Variants in RAB3IP observed in about 807,000 individuals in gnomAD.
RAB3IP encodes RAB3A interacting protein.
A neutral mutation model predicts 59.1 loss-of-function variants in RAB3IP; 36 were observed. The observed-to-expected ratio is 0.61, with a 90% CI of 0.47 to 0.80. The LOEUF (loss-of-function observed/expected upper bound fraction) is 0.80, where lower values mean the gene tolerates loss of function less well. Ranked by LOEUF, RAB3IP falls within the 30% of genes least tolerant of loss-of-function variation. The probability of loss-of-function intolerance (pLI) is 0.00; values close to 1 mark genes in which losing one functional copy is unlikely to be tolerated. For synonymous variants in RAB3IP, 207 were observed against 191.2 expected, an observed-to-expected ratio of 1.08 and a Z score of -0.68; for missense variants, 511 against 536.0, an observed-to-expected ratio of 0.95 and a Z score of 0.46.
chr12:69,781,908 C>T lies in RAB3IP; in HGVS notation c.511-2812C>T, dbSNP rs183449966. 3.3e-5 allele frequency among the ~76,000 whole-genome samples: 5 copies of T among 152,302 alleles called. No homozygotes were observed. The East Asian group carries it at 9.7e-4, about 29-fold the overall frequency. On this transcript the variant is annotated intron_variant, in intron 3 of 10. Coordinates refer to ENST00000247833, the MANE Select transcript of RAB3IP (RefSeq NM_022456.5). ...ATACCAACAAGTGTGATCGCTGGATCCCATGATAAGAGTATGGTTAGCTTT... is the reference window on the plus strand; with the variant it reads ...ATACCAACAAGTGTGATCGCTGGATTCCATGATAAGAGTATGGTTAGCTTT...
At chr12:69,791,401 C>T (rs1048428900) in intron 4 of RAB3IP, among the ~76,000 whole-genome samples, 9 of 152,160 alleles carry the variant, frequency 5.9e-5, no homozygotes, top group African/African-American at 2.2e-4. Context: ...AAGCGGCATA[C>T]TGAATGGGAA....
rs1283302269 is a variant in RAB3IP at position 69,813,322 on chromosome 12, G to C, written c.1300+289G>C. On this transcript the variant is annotated intron_variant, in intron 10 of 10. Transcript: ENST00000247833. ...ATAAGGGGTATATGATAAACCAGAT[G>C]GTAAATGAGAAGAGAGTTCTAAGCT... is the stretch of plus-strand genomic sequence containing the variant. Among the ~76,000 whole-genome samples the C allele has an allele frequency of 2.0e-5, 3 of 152,094 alleles. No homozygotes were observed. The South Asian group carries it at 6.2e-4, about 31-fold the overall frequency.
chr12:69,783,532 ACTC>A (rs1875112125), intron 3 of RAB3IP, among the ~76,000 whole-genome samples: 2 of 151,020 alleles, frequency 1.3e-5, no homozygotes, highest in Admixed American at 1.3e-4. Context: ...TTTGTTACGT[ACTC>A]CTCTAAGATG....
At chr12:69,793,112 G>T (rs549788764) in intron 4 of RAB3IP, among the ~76,000 whole-genome samples, 1 of 152,270 alleles carries the variant, frequency 6.6e-6, no homozygotes, top group African/African-American at 2.4e-5. Flanking sequence ...TGAAACATTT[G>T]TTATTTTTAA....
Position 69,762,063 on chromosome 12 carries a change from C to T in RAB3IP, c.510+5400C>T, listed in dbSNP as rs535708682. On this transcript the variant is annotated intron_variant, in intron 3 of 10. Coordinates refer to ENST00000247833, the MANE Select transcript of RAB3IP (RefSeq NM_022456.5). ...TTGCTCACATTCTATTGGTGTGAAC[C>T]TTTCATGCCAATACCTAGATGTATG... Among the ~76,000 whole-genome samples, 7 of 152,262 alleles carry T rather than the reference C, an allele frequency of 4.6e-5. No individual in the cohort carries two copies. The East Asian group carries it at 1.4e-3, about 29-fold the overall frequency.
upstream of RAB3IP, chr12:69,738,749 C>G (rs980227368): frequency 6.6e-6 from 1 of 152,144 alleles, no homozygotes; most frequent in Non-Finnish European, 1.5e-5. Flanking sequence ...CGTCCGCCCC[C>G]AGGCCCCATG....
intron 3 of RAB3IP, among the ~76,000 whole-genome samples, chr12:69,769,054 TG>T (rs1002748139): frequency 6.6e-6 from 1 of 152,084 alleles, no homozygotes; most frequent in African/African-American, 2.4e-5. Flanking sequence ...GATGGTTTTA[TG>T]GGGGGTAGTT....
intron 8 of RAB3IP, among the ~76,000 whole-genome samples, chr12:69,810,828 C>G (rs539916893): frequency 6.6e-6 from 1 of 152,114 alleles, no homozygotes; most frequent in African/African-American, 2.4e-5. Context: ...TTGACATCCT[C>G]ACATGAAAAT....
At chr12:69,791,228 G>A (rs1279088256) in intron 4 of RAB3IP, among the ~76,000 whole-genome samples, 1 of 152,112 alleles carries the variant, frequency 6.6e-6, no homozygotes, top group Non-Finnish European at 1.5e-5. Flanking sequence ...ACCTGAAACT[G>A]TAAACTCAGA....
chr12:69,756,689 C>A (rs372101763), intron 3 of RAB3IP, 26 bp downstream of exon 3: 260 of 1,573,628 alleles, frequency 1.7e-4, no homozygotes, highest in Non-Finnish European at 2.2e-4. Context: ...TTTTATTCTT[C>A]CATATATTAT....
intron 3 of RAB3IP, among the ~76,000 whole-genome samples, chr12:69,761,755 A>T (rs1862582811): frequency 6.6e-6 from 1 of 152,174 alleles, no homozygotes. Context: ...CACATGCCTG[A>T]TATATTAGGG....
chr12:69,795,135 TC>T lies in RAB3IP; in HGVS notation c.685-4del, dbSNP rs2136230674. ...ATGTATGTGACTATGTTGATTTCTT[TC>T]CAAGATTGATGTACTTCAAGCTGAA... On this transcript the variant is annotated splice_region_variant and splice_polypyrimidine_tract_variant and intron_variant, in intron 5 of 10. Transcript: ENST00000247833. The T allele has an allele frequency of 6.2e-7, 1 of 1,609,190 alleles. No individual in the cohort carries two copies. The highest frequency in any genetic ancestry group is 8.5e-7 in the Non-Finnish European group (1 of 1,176,220).
intron 6 of RAB3IP, among the ~76,000 whole-genome samples, chr12:69,797,968 A>T (rs954403743): frequency 1.3e-5 from 2 of 152,108 alleles, no homozygotes; most frequent in Admixed American, 6.6e-5. Context: ...ATTGTGAATA[A>T]TGCCGCAATA....
Position 69,815,403 on chromosome 12 carries a change from A to T in RAB3IP, c.1340A>T (p.Glu447Val), listed in dbSNP as rs775358162. The T allele has an allele frequency of 1.9e-6, 3 of 1,613,128 alleles. No homozygotes were observed. The Middle Eastern group carries it at 5.0e-4, about 266-fold the overall frequency. ...MFWEVMQLRKEMSLAKLGYFK... is the reference protein window; with the variant it reads ...MFWEVMQLRKVMSLAKLGYFK... ...TGGGAGGTTATGCAGTTGAGAAAAG[A>T]GATGTCATTGGCAAAGCTGGGTTAT... The change falls in exon 11 of 11, where the codon GAG (glutamate) becomes GTG (valine). Residue 447 changes from glutamate to valine, a missense_variant. Physicochemically the swap from Glu to Val is moderately radical, Grantham distance 121. Coordinates refer to ENST00000247833, the MANE Select transcript of RAB3IP (RefSeq NM_022456.5).
intron 4 of RAB3IP, among the ~76,000 whole-genome samples, chr12:69,791,327 G>C (rs1876574232): frequency 6.6e-6 from 1 of 152,076 alleles, no homozygotes; most frequent in South Asian, 2.1e-4. Context: ...AAACAAAATG[G>C]ACAAGTGGGA....
chr12:69,771,450 T>A (rs1353447961), intron 3 of RAB3IP, among the ~76,000 whole-genome samples: 1 of 152,044 alleles, frequency 6.6e-6, no homozygotes, highest in Non-Finnish European at 1.5e-5. Context: ...TTGCTTGAGC[T>A]TCTGTGGTTG....
At chr12:69,805,927 A>G (rs1226215703) in intron 8 of RAB3IP, among the ~76,000 whole-genome samples, 9 of 152,150 alleles carry the variant, frequency 5.9e-5, no homozygotes, top group African/African-American at 1.9e-4. Flanking sequence ...TTTTGCATCA[A>G]TGTTCATCAA....
At chr12:69,794,083 TAAG>T (rs1200225783) in intron 4 of RAB3IP, among the ~76,000 whole-genome samples, 1 of 152,326 alleles carries the variant, frequency 6.6e-6, no homozygotes, top group Non-Finnish European at 1.5e-5. Context: ...CTTTGACTAA[TAAG>T]AACATATATA....
intron 3 of RAB3IP, among the ~76,000 whole-genome samples, chr12:69,762,882 G>A (rs1328871636): frequency 1.3e-5 from 2 of 151,964 alleles, no homozygotes; most frequent in Non-Finnish European, 2.9e-5. Context: ...TCACATACTT[G>A]CACTAACCCT....
Sources: allele counts gnomAD v4.1 joint callset (sites outside exome capture counted in the v4.1 genomes callset), GRCh38; gene constraint gnomAD v4.1.1; transcripts MANE v1.5; gene names NCBI Gene and HGNC (gene_info 2026-07-23, HGNC 2026-07-21).